PICALM: variants seen among roughly 807,000 people sequenced by gnomAD.
PICALM encodes phosphatidylinositol binding clathrin assembly protein, also known as phosphatidylinositol-binding clathrin assembly protein.
Under a neutral mutation model 80.5 loss-of-function variants are expected in PICALM, and 40 were observed. The observed-to-expected ratio is 0.50, with a 90% CI of 0.39 to 0.65. The LOEUF (loss-of-function observed/expected upper bound fraction) is 0.65. Among genes scored for constraint, PICALM ranks in the 30% least tolerant of loss-of-function variants. The pLI is 0.00. For synonymous variants in PICALM, 288 were observed against 260.3 expected (o/e 1.11, Z -1.02); for missense variants, 676 against 778.9 (o/e 0.87, Z 1.57).
intron 7 of PICALM, 80 bp downstream of exon 7, chr11:86,010,950 G>C (rs1204144040): frequency 1.2e-5 from 8 of 681,654 alleles, no homozygotes; most frequent in Non-Finnish European, 1.8e-5. Context: ...TATTTTATTT[G>C]GATAGTGAGT....
chr11:86,053,974 C>T (rs910455973), intron 1 of PICALM, among the ~76,000 whole-genome samples: 5 of 152,162 alleles, frequency 3.3e-5, no homozygotes, highest in Admixed American at 1.3e-4. Flanking sequence ...AAACAGGCCA[C>T]GAAGATTCTT....
rs531235924 is a variant in PICALM, at chr11:85,990,503, TG to T, written c.1259-105del. Reference sequence around the variant, plus strand: ...AAGTGAAAAGTAGTAACTATATTATTGTTTATTAATCTTAAATATCTAAATT... The same window carrying T: ...AAGTGAAAAGTAGTAACTATATTATTTTTATTAATCTTAAATATCTAAATT... On this transcript the variant is annotated intron_variant, in intron 12 of 19. Coordinates refer to ENST00000393346, the MANE Select transcript of PICALM (RefSeq NM_007166.4). The T allele has an allele frequency of 6.7e-4, 359 of 536,626 alleles. 1 individual carries two copies. The highest frequency in any genetic ancestry group is 6.4e-3 in the African/African-American group (327 of 51,332). 33.2% of individuals were successfully genotyped at this position (536,626 alleles called of 1,614,324 possible).
chr11:85,965,802 A>ATTT (rs1202220050), intron 19 of PICALM, among the ~76,000 whole-genome samples: 23 of 105,766 alleles, frequency 2.2e-4, no homozygotes, highest in South Asian at 6.6e-4. Flanking sequence ...TGCATTACCC[A>ATTT]TTTTGTTTTT....
At chr11:85,995,446 T>C (rs958960550) in intron 12 of PICALM, among the ~76,000 whole-genome samples, 1 of 152,208 alleles carries the variant, frequency 6.6e-6, no homozygotes, top group Non-Finnish European at 1.5e-5. Context: ...TCCACAGTAA[T>C]AGTCTATCTG....
chr11:85,971,556 C>G (rs1427655255), intron 19 of PICALM, among the ~76,000 whole-genome samples: 1 of 151,670 alleles, frequency 6.6e-6, no homozygotes, highest in African/African-American at 2.4e-5. Flanking sequence ...GGCAACATGG[C>G]AAAACTCCAT....
chr11:85,968,145 T>C (rs1592339456), intron 19 of PICALM, among the ~76,000 whole-genome samples: 2 of 152,102 alleles, frequency 1.3e-5, no homozygotes, highest in South Asian at 4.1e-4. Context: ...ACCAGTCTGA[T>C]GTATGCTTGC....
At chr11:85,963,920 C>CTTTTTTT (rs10686143) in intron 19 of PICALM, among the ~76,000 whole-genome samples, 834 of 72,742 alleles carry the variant, frequency 0.011, 28 homozygotes, top group East Asian at 0.024. Flanking sequence ...CCACACCTGG[C>CTTTTTTT]TTTTTTTTTT....
At chr11:86,008,963 A>C (rs1366799483) in intron 7 of PICALM, among the ~76,000 whole-genome samples, 1 of 151,346 alleles carries the variant, frequency 6.6e-6, no homozygotes, top group East Asian at 1.9e-4. Context: ...AAAAAAAAAA[A>C]AAAAGAAAAA....
intron 1 of PICALM, among the ~76,000 whole-genome samples, chr11:86,067,743 T>C (rs2096466445): frequency 6.6e-6 from 1 of 151,956 alleles, no homozygotes; most frequent in Non-Finnish European, 1.5e-5. Flanking sequence ...AGCTTCTGAA[T>C]TCAAGCCGCC....
intron 1 of PICALM, among the ~76,000 whole-genome samples, chr11:86,049,147 G>C (rs1266642491): frequency 1.3e-5 from 2 of 151,982 alleles, no homozygotes; most frequent in African/African-American, 2.4e-5. Flanking sequence ...ACAAAAATTA[G>C]TCAGGCACGG....
intron 1 of PICALM, among the ~76,000 whole-genome samples, chr11:86,066,695 A>T (rs566231466): frequency 6.6e-6 from 1 of 152,200 alleles, no homozygotes; most frequent in Admixed American, 6.5e-5. Context: ...TTGAATGAGG[A>T]AAGAGGAAAA....
intron 17 of PICALM, among the ~76,000 whole-genome samples, chr11:85,980,844 GATA>G (rs2094421310): frequency 6.6e-6 from 1 of 152,186 alleles, no homozygotes; most frequent in South Asian, 2.1e-4. Flanking sequence ...GTAAAATAGG[GATA>G]ATAATAGTGA....
At chr11:86,037,259 ATT>A (rs763255182) in intron 1 of PICALM, among the ~76,000 whole-genome samples, 4 of 106,028 alleles carry the variant, frequency 3.8e-5, no homozygotes, top group East Asian at 2.5e-4. Context: ...AAAAAAGAAA[ATT>A]TTTTTTTTTT....
At chr11:86,050,328 G>A (rs17817956) in intron 1 of PICALM, among the ~76,000 whole-genome samples, 1 of 151,058 alleles carries the variant, frequency 6.6e-6, no homozygotes, top group Non-Finnish European at 1.5e-5. Context: ...AAAACTAGAT[G>A]TACATGTACT....
chr11:86,028,942 A>T (rs1450836780), intron 2 of PICALM, among the ~76,000 whole-genome samples: 1 of 150,212 alleles, frequency 6.7e-6, no homozygotes, highest in African/African-American at 2.5e-5. Context: ...GGTTTAAGCG[A>T]TTCTCCTGCC....
chr11:85,980,268 T>C (rs895328056), intron 17 of PICALM, among the ~76,000 whole-genome samples: 1 of 152,220 alleles, frequency 6.6e-6, no homozygotes, highest in Non-Finnish European at 1.5e-5. Context: ...GAGTCCATCA[T>C]ACTGCAAGAA....
intron 2 of PICALM, among the ~76,000 whole-genome samples, chr11:86,029,646 T>C (rs2095714198): frequency 6.6e-6 from 1 of 151,838 alleles, no homozygotes; most frequent in Non-Finnish European, 1.5e-5. Context: ...TATTGATACT[T>C]TGTTTATCTG....
chr11:86,024,331 AATTCTTTT>A lies in PICALM; in HGVS notation c.350-1870_350-1863del, dbSNP rs557145345. On this transcript the variant is annotated intron_variant, in intron 3 of 19. Transcript: ENST00000393346. The stretch of plus-strand genomic sequence containing the variant: ...AGAATGTCTGGAAGATAGGGTATTA[AATTCTTTT>A]TAAGCAATACCTGCACTTACCAAAG... Among the ~76,000 whole-genome samples, 347 of 151,868 alleles carry A rather than the reference AATTCTTTT, an allele frequency of 2.3e-3. 1 individual carries two copies. The highest frequency in any genetic ancestry group is 8.2e-3 in the African/African-American group (340 of 41,426).
intron 2 of PICALM, among the ~76,000 whole-genome samples, chr11:86,026,826 T>A (rs927694042): frequency 3.3e-5 from 5 of 152,210 alleles, no homozygotes; most frequent in African/African-American, 9.6e-5. Flanking sequence ...TCACATCTTA[T>A]ATAGAATCAA....
Sources: allele counts gnomAD v4.1 joint callset (sites outside exome capture counted in the v4.1 genomes callset), GRCh38; gene constraint gnomAD v4.1.1; transcripts MANE v1.5; gene names NCBI Gene and HGNC (gene_info 2026-07-23, HGNC 2026-07-21).